The following DNAH5 variants were observed in gnomAD, a reference collection of about 807,000 sequenced individuals.
DNAH5 encodes the protein dynein axonemal heavy chain 5.
Under a neutral mutation model 518.2 loss-of-function variants are expected in DNAH5, and 372 were observed. The observed-to-expected ratio is 0.72, with a 90% CI of 0.66 to 0.78. DNAH5 has a LOEUF of 0.78. Among genes scored for constraint, DNAH5 ranks in the 30% least tolerant of loss-of-function variants. The pLI is 0.00. For missense variants in DNAH5, 5,523 were observed against 5,687.0 expected, an observed-to-expected ratio of 0.97 and a Z score of 0.93; for synonymous variants, 2,039 against 2,025.9, an observed-to-expected ratio of 1.01 and a Z score of -0.17.
chr5:13,700,535 G>C (rs1026067081), intron 78 of DNAH5, 105 bp downstream of exon 78: 10 of 1,137,654 alleles, frequency 8.8e-6, no homozygotes, highest in South Asian at 8.8e-5. Flanking sequence ...ATAGATAAGA[G>C]AGCAAAATCT....
At position 13,830,146 on chromosome 5, in the gene DNAH5, C is replaced by A. The variant is rs141459197; in HGVS notation, c.6129G>T (p.Ser2043=). Residue 2043 remains serine, a synonymous_variant, in exon 37 of 79, where the codon TCG becomes TCT. Coordinates refer to ENST00000265104, the MANE Select transcript of DNAH5 (RefSeq NM_001369.3). ...TAATGGAAATTTGCTGGGCTGCAAC[C>A]GAGAGAACTGGTAGATCAATACGGT... ...EFNRIDLPVL[S]VAAQQISIIL... is the part of the protein sequence containing the mutation. 6.2e-7 allele frequency: 1 copy of A among 1,613,792 alleles called. No individual in the cohort carries two copies. Among genetic ancestry groups the A allele is most frequent in the Non-Finnish European group, 8.5e-7 (1 of 1,179,960 alleles).
intron 70 of DNAH5, among the ~76,000 whole-genome samples, chr5:13,722,400 G>A (rs1322898096): frequency 6.6e-6 from 1 of 152,200 alleles, no homozygotes; most frequent in African/African-American, 2.4e-5. Context: ...AAATTGGTGC[G>A]ATGTTTCCCA....
chr5:13,790,340 C>T (rs1349917000), intron 50 of DNAH5, among the ~76,000 whole-genome samples: 1 of 152,104 alleles, frequency 6.6e-6, no homozygotes, highest in Non-Finnish European at 1.5e-5. Flanking sequence ...AATGTGTGAC[C>T]TATACACCAT....
At position 13,744,933 on chromosome 5, in the gene DNAH5, T is replaced by G. The variant is rs533186973; in HGVS notation, c.11211+6145A>C. On this transcript the variant is annotated intron_variant, in intron 65 of 78. Transcript: ENST00000265104. Reference sequence around the variant, plus strand: ...ACAAGAGAACTCAGAAAGAGATTTCTTTTTCCCCCACCACCAGTGAGCTGG... The same window carrying G: ...ACAAGAGAACTCAGAAAGAGATTTCGTTTTCCCCCACCACCAGTGAGCTGG... Among the ~76,000 whole-genome samples the G allele has an allele frequency of 2.0e-5, 3 of 152,160 alleles. No individual in the cohort carries two copies. In the South Asian group the frequency reaches 6.2e-4, roughly 32 times the overall value.
At chr5:13,908,175 CT>C (rs1004811733) in intron 12 of DNAH5, among the ~76,000 whole-genome samples, 3 of 152,168 alleles carry the variant, frequency 2.0e-5, no homozygotes, top group Non-Finnish European at 4.4e-5. Flanking sequence ...GTTTCAGCTA[CT>C]TCTACTGGAA....
At chr5:13,823,739 T>C (rs1330553616) in intron 39 of DNAH5, among the ~76,000 whole-genome samples, 1 of 152,274 alleles carries the variant, frequency 6.6e-6, no homozygotes, top group African/African-American at 2.4e-5. Flanking sequence ...ATTTGGTGTA[T>C]ACTTTTAATT....
chr5:13,953,103 A>G (rs569451959), intron 1 of DNAH5, among the ~76,000 whole-genome samples: 1 of 152,360 alleles, frequency 6.6e-6, no homozygotes, highest in East Asian at 1.9e-4. Flanking sequence ...TCTCATACAC[A>G]TAAAGAATAA....
intron 29 of DNAH5, 106 bp from the exon 30 acceptor site, chr5:13,859,711 C>T (rs577158121): frequency 3.7e-6 from 4 of 1,072,966 alleles, no homozygotes; most frequent in Admixed American, 3.6e-5. Context: ...TTCTTTACAA[C>T]CTTAATTATG....
At chr5:13,786,696 G>A (rs533385231) in intron 51 of DNAH5, among the ~76,000 whole-genome samples, 31 of 152,188 alleles carry the variant, frequency 2.0e-4, no homozygotes, top group African/African-American at 7.2e-4. Flanking sequence ...CAGCAAGGGA[G>A]GTCAAGAATT....
Position 13,885,899 on chromosome 5 carries a change from ATGCAGTT to A in DNAH5, c.2743+58_2743+64del, listed in dbSNP as rs1461050497. On this transcript the variant is annotated intron_variant, in intron 18 of 78. Coordinates refer to ENST00000265104, the MANE Select transcript of DNAH5 (RefSeq NM_001369.3). ...TATGAAATTAATTGGTATGTAGAAA[ATGCAGTT>A]TTAGTTTTTAGTAAATGTCATAGAA... 25 of 1,422,242 alleles carry A rather than the reference ATGCAGTT, an allele frequency of 1.8e-5. No homozygotes were observed. In the East Asian group the frequency reaches 5.2e-4, roughly 30 times the overall value. 88.1% of individuals were successfully genotyped at this position (1,422,242 alleles called of 1,614,324 possible).
rs1436074909 is a variant in DNAH5, at chr5:13,692,027, T to C, written c.13832A>G (p.His4611Arg). 28 of 1,613,968 alleles carry C rather than the reference T, an allele frequency of 1.7e-5. No individual in the cohort carries two copies. Among genetic ancestry groups the C allele is most frequent in the East Asian group, 4.5e-5 (2 of 44,878 alleles). Residue 4611 changes from histidine (H) to arginine (R), a missense_variant, in exon 79 of 79, where the codon CAC becomes CGC. His to Arg is a conservative substitution (Grantham distance 29, BLOSUM62 0). Around this residue, in one of 3 missense-constraint regions of DNAH5, gnomAD observed 387 missense variants for 430.0 expected, o/e 0.90. Transcript: ENST00000265104. ...VDLRTAQTPE[H>R]WVLRGVALLC... ...AAGGGCAACCCCACGGAGCACCCAG[T>C]GTTCAGGGGTCTGGGCTGTCCTGAG...
intron 31 of DNAH5, among the ~76,000 whole-genome samples, chr5:13,850,314 G>A (rs1470471206): frequency 1.3e-5 from 2 of 152,072 alleles, no homozygotes; most frequent in Non-Finnish European, 2.9e-5. Context: ...CATATAATGA[G>A]TATAATAAAA....
chr5:13,795,272 G>T (rs960361900), intron 47 of DNAH5, among the ~76,000 whole-genome samples: 1 of 151,848 alleles, frequency 6.6e-6, no homozygotes, highest in Non-Finnish European at 1.5e-5. Flanking sequence ...CTGGTTTTTT[G>T]AAAAGATCAA....
At chr5:13,809,013 T>A in intron 46 of DNAH5, 31 bp downstream of exon 46, 1 of 1,612,082 alleles carries the variant, frequency 6.2e-7, no homozygotes, top group Non-Finnish European at 8.5e-7. Context: ...CCTTAAAATA[T>A]GCTACAGTTA....
intron 38 of DNAH5, 27 bp downstream of exon 38, chr5:13,829,483 G>C (rs1367053803): frequency 6.2e-7 from 1 of 1,608,622 alleles, no homozygotes; most frequent in Non-Finnish European, 8.5e-7. Flanking sequence ...ACATGCCTAA[G>C]TGCATAAGAC....
chr5:13,955,439 T>C (rs1780699086), intron 1 of DNAH5, among the ~76,000 whole-genome samples: 1 of 152,206 alleles, frequency 6.6e-6, no homozygotes, highest in South Asian at 2.1e-4. Flanking sequence ...TCAGTGGGTT[T>C]CACTGCCAAA....
intron 42 of DNAH5, 58 bp from the exon 43 acceptor site, chr5:13,814,904 A>C: frequency 3.3e-6 from 5 of 1,521,242 alleles, no homozygotes; most frequent in Non-Finnish European, 4.5e-6. Context: ...GTGCATGTAC[A>C]CATAAGTTTA....
At chr5:13,890,928 A>G in intron 17 of DNAH5, 48 bp downstream of exon 17, 1 of 1,611,276 alleles carries the variant, frequency 6.2e-7, no homozygotes, top group East Asian at 2.2e-5. Flanking sequence ...TTTATAGGAA[A>G]ATGAATCACC....
intron 70 of DNAH5, among the ~76,000 whole-genome samples, chr5:13,723,229 A>C (rs1285714001): frequency 3.3e-5 from 5 of 152,330 alleles, no homozygotes; most frequent in Non-Finnish European, 7.3e-5. Context: ...GTGTTTAATA[A>C]GTTTGCCTGA....
Sources: gnomAD v4.1 joint callset for allele counts (sites outside exome capture counted in the v4.1 genomes callset) on GRCh38, gnomAD v4.1.1 for gene constraint, gnomAD v4.1.1 regional missense constraint, MANE v1.5 for transcripts, NCBI Gene and HGNC (gene_info 2026-07-23, HGNC 2026-07-21) for gene names.